The following RASGEF1C variants were observed in gnomAD, a reference collection of about 807,000 sequenced individuals.
RASGEF1C encodes the protein ras-GEF domain-containing family member 1C.
In RASGEF1C, 27 loss-of-function variants were observed where a neutral mutation model predicts 58.1. That is an observed-to-expected ratio of 0.46 (90% CI 0.34 to 0.64). The LOEUF is 0.64. Ranked by LOEUF, RASGEF1C falls within the 30% of genes least tolerant of loss-of-function variation. The probability of loss-of-function intolerance (pLI) is 0.01; values close to 1 mark genes in which losing one functional copy is unlikely to be tolerated. For missense variants in RASGEF1C, 502 were observed against 605.1 expected (o/e 0.83, Z 1.79); for synonymous variants, 243 against 246.3 (o/e 0.99, Z 0.13).
intron 4 of RASGEF1C, among the ~76,000 whole-genome samples, chr5:180,129,716 C>A (rs1223711129): frequency 6.6e-6 from 1 of 152,218 alleles, no homozygotes; most frequent in African/African-American, 2.4e-5. Context: ...AGTCAAGGTG[C>A]GCCATCGCTG....
intron 1 of RASGEF1C, among the ~76,000 whole-genome samples, chr5:180,200,255 GA>G (rs1182712381): frequency 3.5e-5 from 5 of 141,654 alleles, no homozygotes; most frequent in African/African-American, 7.7e-5. Flanking sequence ...TACAGAGCTG[GA>G]AAAAAAAATT....
intron 1 of RASGEF1C, among the ~76,000 whole-genome samples, chr5:180,181,962 G>C (rs529736258): frequency 6.6e-6 from 1 of 151,856 alleles, no homozygotes; most frequent in South Asian, 2.1e-4. Flanking sequence ...CTAGCACTTT[G>C]GGAGGCCGAG....
chr5:180,106,345 TC>T (rs1765874304), intron 12 of RASGEF1C, among the ~76,000 whole-genome samples: 1 of 152,258 alleles, frequency 6.6e-6, no homozygotes, highest in Non-Finnish European at 1.5e-5. Context: ...ATTTTGCTCC[TC>T]TTTTTCTAGA....
chr5:180,171,388 C>G (rs1767105882), intron 1 of RASGEF1C, among the ~76,000 whole-genome samples: 1 of 152,158 alleles, frequency 6.6e-6, no homozygotes, highest in African/African-American at 2.4e-5. Flanking sequence ...TAACAAGCAC[C>G]TCCTCCTACA....
At chr5:180,190,838 A>G (rs1436769838) in intron 1 of RASGEF1C, among the ~76,000 whole-genome samples, 1 of 152,210 alleles carries the variant, frequency 6.6e-6, no homozygotes, top group African/African-American at 2.4e-5. Context: ...GACTTAATTG[A>G]AATGAAGAAC....
intron 1 of RASGEF1C, among the ~76,000 whole-genome samples, chr5:180,151,761 T>C (rs1354134749): frequency 2.0e-5 from 3 of 151,856 alleles, no homozygotes; most frequent in South Asian, 2.1e-4. Flanking sequence ...CAAAAGAAAC[T>C]ACCATCAGAG....
At chr5:180,202,579 A>G (rs1400012451) in intron 1 of RASGEF1C, among the ~76,000 whole-genome samples, 2 of 152,248 alleles carry the variant, frequency 1.3e-5, no homozygotes, top group Non-Finnish European at 2.9e-5. Context: ...ACAACCCATA[A>G]CAACATTTTT....
chr5:180,190,703 C>T (rs188880913), intron 1 of RASGEF1C, among the ~76,000 whole-genome samples: 344 of 151,550 alleles, frequency 2.3e-3, no homozygotes, highest in African/African-American at 8.1e-3. Context: ...TTAAAAATTA[C>T]AGAAACAACA....
intron 1 of RASGEF1C, among the ~76,000 whole-genome samples, chr5:180,202,076 T>C (rs1756404694): frequency 2.0e-5 from 3 of 152,250 alleles, no homozygotes; most frequent in Non-Finnish European, 2.9e-5. Flanking sequence ...AATGTGAAAT[T>C]AGAGTTGCCT....
At position 180,173,784 on chromosome 5, in the gene RASGEF1C, G is replaced by A. The variant is rs572920169; in HGVS notation, c.-7+35244C>T. On this transcript the variant is annotated intron_variant, in intron 1 of 13. Transcript: ENST00000361132. ...AGAAATTAGCTGGGCGTGGTGGTGG[G>A]CGCCTGTAATCCCAGCTGCTAGGGA... Among the ~76,000 whole-genome samples the A allele has an allele frequency of 1.5e-3, 226 of 151,994 alleles. 5 individuals are homozygous for A. The South Asian group carries it at 0.04, about 27-fold the overall frequency.
chr5:180,175,780 C>T (rs1450997382), intron 1 of RASGEF1C, among the ~76,000 whole-genome samples: 4 of 152,064 alleles, frequency 2.6e-5, no homozygotes, highest in East Asian at 1.9e-4. Flanking sequence ...CAGCAGATCA[C>T]GAGGTCAGGA....
intron 1 of RASGEF1C, among the ~76,000 whole-genome samples, chr5:180,184,937 C>T (rs1581125524): frequency 1.3e-5 from 2 of 152,212 alleles, no homozygotes; most frequent in South Asian, 4.1e-4. Flanking sequence ...AAACAAACCA[C>T]AACCTTAGTT....
At position 180,113,420 on chromosome 5, in the gene RASGEF1C, G is replaced by A. The variant is rs185434773; in HGVS notation, c.1179+1026C>T. On this transcript the variant is annotated intron_variant, in intron 11 of 13. Transcript: ENST00000361132. ...GGGACCGGGGATGGACGGAGGGATC[G>A]GGGATGGATGGAGGGATCCGGGATG... Among the ~76,000 whole-genome samples the A allele has an allele frequency of 4.6e-4, 23 of 49,748 alleles. 1 individual carries two copies. Among genetic ancestry groups the A allele is most frequent in the Non-Finnish European group, 8.0e-4 (19 of 23,880 alleles). The allele number at this position is 49,748 out of a possible 152,430, so 32.6% of individuals were successfully genotyped here. A position where few individuals can be genotyped will look rare whatever the true frequency, so the allele number is the denominator to read the frequency against.
chr5:180,125,030 G>A (rs1409935620), intron 6 of RASGEF1C, among the ~76,000 whole-genome samples: 1 of 152,104 alleles, frequency 6.6e-6, no homozygotes, highest in African/African-American at 2.4e-5. Context: ...CTACTTGGGG[G>A]GCTGAGGCAG....
intron 1 of RASGEF1C, among the ~76,000 whole-genome samples, chr5:180,149,276 C>G (rs1052599449): frequency 6.8e-6 from 1 of 147,708 alleles, no homozygotes; most frequent in African/African-American, 2.5e-5. Context: ...TTAGTAGAGA[C>G]GGAGTTTCAC....
At chr5:180,142,340 TACAC>T (rs1766591802) in intron 1 of RASGEF1C, among the ~76,000 whole-genome samples, 1 of 152,176 alleles carries the variant, frequency 6.6e-6, no homozygotes, top group Non-Finnish European at 1.5e-5. Context: ...GGCAGCCCCT[TACAC>T]ACCACTGCGG....
At chr5:180,194,175 C>G (rs1431067765) in intron 1 of RASGEF1C, among the ~76,000 whole-genome samples, 7 of 152,166 alleles carry the variant, frequency 4.6e-5, no homozygotes, top group Non-Finnish European at 1.5e-5. Context: ...ACGGGGAGGG[C>G]AGCCGAACGC....
intron 12 of RASGEF1C, among the ~76,000 whole-genome samples, chr5:180,103,130 T>G (rs1437726959): frequency 4.6e-5 from 7 of 152,156 alleles, no homozygotes; most frequent in African/African-American, 1.7e-4. Context: ...CAGGCTGGAG[T>G]GCAGTGGCGC....
chr5:180,189,923 C>CAAAAAAAAAAAAAAAAAAAAAAA, intron 1 of RASGEF1C, among the ~76,000 whole-genome samples: 1 of 37,188 alleles, frequency 2.7e-5, no homozygotes, highest in Non-Finnish European at 4.6e-5. Flanking sequence ...AACTCCATCT[C>CAAAAAAAAAAAAAAAAAAAAAAA]AAAAAAAAAA....
Sources: allele counts gnomAD v4.1 joint callset (sites outside exome capture counted in the v4.1 genomes callset), GRCh38; gene constraint gnomAD v4.1.1; transcripts MANE v1.5; gene names NCBI Gene and HGNC (gene_info 2026-07-23, HGNC 2026-07-21).